Variants in FMN2 observed in about 807,000 individuals in gnomAD.
FMN2 encodes formin 2.
A neutral mutation model predicts 142.3 loss-of-function variants in FMN2; 51 were observed. The ratio of observed to expected loss-of-function variants is 0.36; its 90% CI spans 0.29 to 0.45. The LOEUF (loss-of-function observed/expected upper bound fraction) is 0.45. FMN2 is among the 20% of genes least tolerant of loss of function. The probability of loss-of-function intolerance (pLI) is 1.00; values close to 1 mark genes in which losing one functional copy is unlikely to be tolerated. For synonymous variants in FMN2, 882 were observed against 869.8 expected (o/e 1.01, Z -0.25); for missense variants, 1,936 against 2,122.8 (o/e 0.91, Z 1.73).
At chr1:240,420,405 T>C (rs1319860155) in intron 15 of FMN2, among the ~76,000 whole-genome samples, 1 of 152,220 alleles carries the variant, frequency 6.6e-6, no homozygotes, top group Non-Finnish European at 1.5e-5. Flanking sequence ...CCTGAATCGC[T>C]CCACTACATG....
chr1:240,159,860 A>C (rs1267037773), intron 2 of FMN2, among the ~76,000 whole-genome samples: 1 of 148,186 alleles, frequency 6.7e-6, no homozygotes, highest in Non-Finnish European at 1.5e-5. Context: ...CTCTTGGAGC[A>C]TATGAATTAT....
intron 6 of FMN2, among the ~76,000 whole-genome samples, chr1:240,225,993 G>A (rs1396985799): frequency 6.6e-6 from 1 of 152,028 alleles, no homozygotes. Context: ...AATAGAGATG[G>A]CACAATCTGA....
chr1:240,126,295 T>A (rs929987649), intron 2 of FMN2, among the ~76,000 whole-genome samples: 1 of 152,126 alleles, frequency 6.6e-6, no homozygotes, highest in Non-Finnish European at 1.5e-5. Context: ...ACAATCCTCT[T>A]GAGGTCAGTT....
At chr1:240,313,202 T>A (rs1670652822) in intron 8 of FMN2, among the ~76,000 whole-genome samples, 1 of 152,202 alleles carries the variant, frequency 6.6e-6, no homozygotes, top group African/African-American at 2.4e-5. Flanking sequence ...AGCAGGCCAT[T>A]AGTTCTCCAT....
Position 240,093,275 on chromosome 1 carries a change from C to G in FMN2, c.1166C>G (p.Pro389Arg). 1 of 1,604,350 alleles carries G rather than the reference C, an allele frequency of 6.2e-7. No homozygotes were observed. Among genetic ancestry groups the G allele is most frequent in the Non-Finnish European group, 8.5e-7 (1 of 1,175,370 alleles). Residue 389 changes from proline to arginine, a missense_variant, in exon 1 of 18, where the codon CCT (proline) becomes CGT (arginine). Physicochemically the swap from Pro to Arg is moderately radical, Grantham distance 103. This residue lies in a region of FMN2 where 751 missense variants were observed against 791.8 expected (regional missense o/e 0.95). Transcript: ENST00000319653. Reference sequence around the variant, plus strand: ...GAGCCGGAGGAGGAGGCGCAAGGACCTGACGCCCCCGCGGCCGCTTCCCTG... The same window carrying G: ...GAGCCGGAGGAGGAGGCGCAAGGACGTGACGCCCCCGCGGCCGCTTCCCTG... ...GEEPEEEAQG[P>R]DAPAAASLPG... is the part of the protein sequence containing the mutation.
chr1:240,443,134 C>G (rs932182117), intron 16 of FMN2, among the ~76,000 whole-genome samples: 3 of 152,146 alleles, frequency 2.0e-5, no homozygotes, highest in African/African-American at 7.2e-5. Context: ...TCTGTAAACA[C>G]AAAGTATTAT....
intron 7 of FMN2, among the ~76,000 whole-genome samples, chr1:240,282,982 A>C (rs1184329591): frequency 6.6e-6 from 1 of 152,160 alleles, no homozygotes; most frequent in African/African-American, 2.4e-5. Flanking sequence ...ATGCATCAGC[A>C]TTCTATTCCT....
chr1:240,260,781 GT>G (rs1328838928), intron 7 of FMN2, among the ~76,000 whole-genome samples: 1 of 152,148 alleles, frequency 6.6e-6, no homozygotes, highest in African/African-American at 2.4e-5. Context: ...ATTTATCTTT[GT>G]TTTCGTAGCA....
chr1:240,287,312 C>G (rs1408630499), intron 7 of FMN2, among the ~76,000 whole-genome samples: 2 of 152,144 alleles, frequency 1.3e-5, no homozygotes, highest in Non-Finnish European at 2.9e-5. Flanking sequence ...TCTGCTCAAA[C>G]AAAGGTCTTT....
intron 16 of FMN2, among the ~76,000 whole-genome samples, chr1:240,439,279 A>AAGAAAGAAAG (rs1553265376): frequency 2.4e-5 from 3 of 124,724 alleles, no homozygotes; most frequent in African/African-American, 9.4e-5. Context: ...TCAAAAAAAA[A>AAGAAAGAAAG]AAAGAAAGAA....
intron 4 of FMN2, 96 bp from the exon 5 acceptor site, chr1:240,206,703 G>C: frequency 7.3e-7 from 1 of 1,377,612 alleles, no homozygotes; most frequent in Non-Finnish European, 9.8e-7. Context: ...CCTTCTGGAA[G>C]TATGACAACA....
intron 2 of FMN2, among the ~76,000 whole-genome samples, chr1:240,155,747 C>T (rs924844216): frequency 5.9e-5 from 9 of 151,608 alleles, no homozygotes; most frequent in African/African-American, 1.7e-4. Context: ...ATTAGATGGG[C>T]AATTCTTTAT....
At chr1:240,139,110 G>A (rs967007975) in intron 2 of FMN2, among the ~76,000 whole-genome samples, 16 of 152,132 alleles carry the variant, frequency 1.1e-4, no homozygotes, top group African/African-American at 2.9e-4. Context: ...CAATGATGCC[G>A]GTCGGGGACC....
At chr1:240,260,006 G>A (rs1026577260) in intron 7 of FMN2, among the ~76,000 whole-genome samples, 1 of 152,140 alleles carries the variant, frequency 6.6e-6, no homozygotes, top group African/African-American at 2.4e-5. Flanking sequence ...TACAATGTTT[G>A]GTTTTCCATT....
intron 9 of FMN2, 77 bp downstream of exon 9, chr1:240,329,244 G>A: frequency 6.3e-7 from 1 of 1,586,822 alleles, no homozygotes; most frequent in Admixed American, 1.7e-5. Flanking sequence ...TGCAAATGCG[G>A]TGTCTTCAGT....
chr1:240,432,689 A>G (rs1424561706), intron 15 of FMN2, among the ~76,000 whole-genome samples: 1 of 151,082 alleles, frequency 6.6e-6, no homozygotes, highest in Non-Finnish European at 1.5e-5. Context: ...TTTTGTTTTT[A>G]TTTTTATTTA....
Position 240,209,551 on chromosome 1 carries a change from G to A in FMN2, c.3920+819G>A, listed in dbSNP as rs114644759. On this transcript the variant is annotated intron_variant, in intron 5 of 17. Transcript: ENST00000319653. ...TGACAGGCGTGAGCCACCGGGCACG[G>A]CCGCAAATCAAATTCTTAGGTAAAC... Among the ~76,000 whole-genome samples, 1,363 of 150,942 alleles carry A rather than the reference G, an allele frequency of 9.0e-3. 27 individuals are homozygous for A. The highest frequency in any genetic ancestry group is 0.031 in the African/African-American group (1,295 of 41,194).
chr1:240,231,737 A>G lies in FMN2; in HGVS notation c.4065+20502A>G, dbSNP rs59122353. ...GAGATTTTTTCTACCCAAACAGCATAAAGAGCTTATGTAAGGCAAGCTTCT... is the reference window on the plus strand; with the variant it reads ...GAGATTTTTTCTACCCAAACAGCATGAAGAGCTTATGTAAGGCAAGCTTCT... On this transcript the variant is annotated intron_variant, in intron 6 of 17. Transcript: ENST00000319653. 6.5e-3 allele frequency among the ~76,000 whole-genome samples: 993 copies of G among 152,346 alleles called. 14 individuals carry two copies. The highest frequency in any genetic ancestry group is 0.023 in the African/African-American group (938 of 41,588).
At chr1:240,429,587 C>G (rs1158933060) in intron 15 of FMN2, among the ~76,000 whole-genome samples, 3 of 152,204 alleles carry the variant, frequency 2.0e-5, no homozygotes, top group Admixed American at 6.5e-5. Context: ...CTTCACACTT[C>G]TCTGAAGAGG....
Sources: gnomAD v4.1 joint callset for allele counts (sites outside exome capture counted in the v4.1 genomes callset) on GRCh38, gnomAD v4.1.1 for gene constraint, gnomAD v4.1.1 regional missense constraint, MANE v1.5 for transcripts, NCBI Gene and HGNC (gene_info 2026-07-23, HGNC 2026-07-21) for gene names.